Variants in CDH9 observed in about 807,000 individuals in gnomAD.
CDH9 encodes the protein cadherin-9.
A neutral mutation model predicts 70.9 loss-of-function variants in CDH9; 28 were observed. That is an observed-to-expected ratio of 0.40 (90% CI 0.29 to 0.54). CDH9 has a LOEUF of 0.54. CDH9 is among the 20% of genes least tolerant of loss of function. The probability of loss-of-function intolerance (pLI) is 0.59; values close to 1 mark genes in which losing one functional copy is unlikely to be tolerated. For missense variants in CDH9, 874 were observed against 984.4 expected, an observed-to-expected ratio of 0.89 and a Z score of 1.50; for synonymous variants, 409 against 343.1, an observed-to-expected ratio of 1.19 and a Z score of -2.12.
intron 1 of CDH9, among the ~76,000 whole-genome samples, chr5:27,011,095 G>A (rs1742947527): frequency 1.3e-5 from 2 of 152,170 alleles, no homozygotes; most frequent in Middle Eastern, 3.4e-3. Flanking sequence ...TATTTCTAAA[G>A]TTAGAGGTGG....
At chr5:27,028,790 C>A (rs1357250937) in intron 1 of CDH9, among the ~76,000 whole-genome samples, 1 of 151,806 alleles carries the variant, frequency 6.6e-6, no homozygotes, top group African/African-American at 2.4e-5. Flanking sequence ...AACCAATTGC[C>A]AAAAACCAAA....
At chr5:26,907,264 A>C (rs1379566884) in intron 3 of CDH9, among the ~76,000 whole-genome samples, 2 of 152,114 alleles carry the variant, frequency 1.3e-5, no homozygotes, top group Admixed American at 1.3e-4. Flanking sequence ...ATTCTGGTAT[A>C]TTTGACTGTA....
rs5866810 is a variant in CDH9 at position 26,905,811 on chromosome 5, G to GT, written c.811+147dup. The GT allele has an allele frequency of 2.0e-3, 1,087 of 540,264 alleles. 1 individual carries two copies. Among genetic ancestry groups the GT allele is most frequent in the Middle Eastern group, 4.1e-3 (14 of 3,452 alleles). The allele number at this position is 540,264 out of a possible 1,614,324, so 33.5% of individuals were successfully genotyped here. On this transcript the variant is annotated intron_variant, in intron 5 of 11. Transcript: ENST00000231021. ...TCACTCTCTATTTGTGGGAAATTGT[G>GT]TTTTTTTTTTGGTAGAGGAATGGAT...
intron 1 of CDH9, among the ~76,000 whole-genome samples, chr5:27,024,489 A>T (rs1354476173): frequency 6.6e-6 from 1 of 152,090 alleles, no homozygotes; most frequent in Non-Finnish European, 1.5e-5. Flanking sequence ...AGTCTAGGCA[A>T]GAAAAACTAA....
intron 2 of CDH9, among the ~76,000 whole-genome samples, chr5:26,939,998 T>A (rs1320571076): frequency 6.6e-6 from 1 of 151,582 alleles, no homozygotes; most frequent in African/African-American, 2.4e-5. Flanking sequence ...TTAATAAAAA[T>A]GCAAACAAAA....
intron 7 of CDH9, chr5:26,890,841 C>T (rs1199058608): frequency 3.1e-6 from 1 of 318,786 alleles, no homozygotes. Flanking sequence ...TTAAGTATCA[C>T]TTGGTTCACT....
Position 26,881,215 on chromosome 5 carries a change from T to C in CDH9, c.2291A>G (p.Tyr764Cys). The C allele has an allele frequency of 6.2e-7, 1 of 1,612,488 alleles. No individual in the cohort carries two copies. Among genetic ancestry groups the C allele is most frequent in the Non-Finnish European group, 8.5e-7 (1 of 1,178,634 alleles). Reference protein sequence around the residue: ...ESLTADCNQDYDYLSDWGPRF... With the variant: ...ESLTADCNQDCDYLSDWGPRF... ...AGGCCCCCAGTCACTGAGGTAATCA[T>C]AATCTTGGTTACAATCAGCTGTGAG... The change falls in exon 12 of 12, where the codon TAT becomes TGT. Residue 764 changes from tyrosine (Y) to cysteine (C), a missense_variant. Transcript: ENST00000231021.
At chr5:26,913,135 G>A (rs12652586) in intron 3 of CDH9, among the ~76,000 whole-genome samples, 18,466 of 151,990 alleles carry the variant, frequency 0.12, 1,283 homozygotes, top group Middle Eastern at 0.33. Context: ...AATACACTCT[G>A]CATCTATTAA....
chr5:26,915,998 T>C, intron 2 of CDH9, 74 bp from the exon 3 acceptor site: 1 of 961,436 alleles, frequency 1.0e-6, no homozygotes, highest in Non-Finnish European at 1.6e-6. Context: ...TTTGGCGCTA[T>C]CAATTCGTCT....
At chr5:26,948,623 G>T (rs1741793689) in intron 2 of CDH9, among the ~76,000 whole-genome samples, 2 of 152,100 alleles carry the variant, frequency 1.3e-5, no homozygotes, top group South Asian at 4.2e-4. Flanking sequence ...CTGTCAATGT[G>T]GCCTACATGT....
chr5:26,954,384 C>CTTTTTTTTTTTTTTTTT (rs141394776), intron 2 of CDH9, among the ~76,000 whole-genome samples: 2 of 18,346 alleles, frequency 1.1e-4, no homozygotes, highest in African/African-American at 2.6e-4. Flanking sequence ...ATTATACAGC[C>CTTTTTTTTTTTTTTTTT]TTTCTTTTTT....
At chr5:26,978,554 A>C (rs1378348082) in intron 2 of CDH9, among the ~76,000 whole-genome samples, 1 of 150,998 alleles carries the variant, frequency 6.6e-6, no homozygotes, top group African/African-American at 2.4e-5. Context: ...AAGTTTCTAA[A>C]AGGAAGAGAT....
rs142714953 is a variant in CDH9 at position 26,979,769 on chromosome 5, C to T, written c.228+8337G>A. Among the ~76,000 whole-genome samples the T allele has an allele frequency of 4.3e-3, 659 of 151,694 alleles. 2 individuals are homozygous for T. The highest frequency in any genetic ancestry group is 0.015 in the African/African-American group (626 of 41,410). On this transcript the variant is annotated intron_variant, in intron 2 of 11. Coordinates refer to ENST00000231021, the MANE Select transcript of CDH9 (RefSeq NM_016279.4). ...TAAACTCTTAGGAGGCAAAGTTAAC[C>T]TCAAGTAAGTGGTATTATCACAGGT... is the stretch of plus-strand genomic sequence containing the variant.
At chr5:26,924,055 G>T (rs148597335) in intron 2 of CDH9, among the ~76,000 whole-genome samples, 2 of 151,642 alleles carry the variant, frequency 1.3e-5, no homozygotes, top group African/African-American at 4.8e-5. Context: ...GATCAGAACA[G>T]AAATAAATGA....
chr5:26,883,084 TATATATATATAA>T (rs1325617881), intron 11 of CDH9, among the ~76,000 whole-genome samples: 18 of 125,472 alleles, frequency 1.4e-4, no homozygotes, highest in African/African-American at 5.1e-4. Flanking sequence ...TATATATATA[TATATATATATAA>T]AACTGCAGTA....
chr5:26,966,544 A>G (rs1490577468), intron 2 of CDH9, among the ~76,000 whole-genome samples: 3 of 152,132 alleles, frequency 2.0e-5, no homozygotes, highest in Admixed American at 6.5e-5. Context: ...TACTTTTCCT[A>G]CAATAAATGA....
chr5:26,962,898 T>C (rs897581368), intron 2 of CDH9, among the ~76,000 whole-genome samples: 18 of 152,148 alleles, frequency 1.2e-4, no homozygotes, highest in Non-Finnish European at 2.4e-4. Context: ...CATTCTCTAA[T>C]TAGTTTATCA....
intron 2 of CDH9, among the ~76,000 whole-genome samples, chr5:26,919,293 T>A (rs73748537): frequency 2.6e-5 from 4 of 152,060 alleles, no homozygotes; most frequent in Non-Finnish European, 5.9e-5. Context: ...AAACTTTGCA[T>A]TGGAACTCAA....
Position 26,889,838 on chromosome 5 carries a change from G to A in CDH9, c.1510C>T (p.Gln504Ter). The part of the protein sequence containing the change: ...TFVCENAKPG[Q>*]LIQTVSVMDK... ...AAGTTTTTAATGATTTTATTTACCT[G>A]CCCAGGTTTTGCATTTTCACAAACA... Residue 504 changes from glutamine to a stop codon, truncating the protein, a stop_gained and splice_region_variant, in exon 9 of 12, where the codon CAG becomes TAG. Coordinates refer to ENST00000231021, the MANE Select transcript of CDH9 (RefSeq NM_016279.4). LOFTEE classifies it high-confidence loss of function. The A allele has an allele frequency of 6.4e-7, 1 of 1,567,846 alleles. No individual in the cohort carries two copies. Among genetic ancestry groups the A allele is most frequent in the Non-Finnish European group, 8.8e-7 (1 of 1,142,222 alleles).
Sources: allele counts gnomAD v4.1 joint callset (sites outside exome capture counted in the v4.1 genomes callset), GRCh38; gene constraint gnomAD v4.1.1; transcripts MANE v1.5; gene names NCBI Gene and HGNC (gene_info 2026-07-23, HGNC 2026-07-21).